Variants in PRELID2 observed in about 807,000 individuals in gnomAD.
PRELID2 encodes PRELI domain-containing protein 2.
A neutral mutation model predicts 28.4 loss-of-function variants in PRELID2; 25 were observed. The observed-to-expected ratio is 0.88, with a 90% CI of 0.64 to 1.23. The LOEUF (loss-of-function observed/expected upper bound fraction) is 1.23. Among genes scored for constraint, PRELID2 ranks in the 50% most tolerant of loss-of-function variants. The pLI is 0.00. For synonymous variants in PRELID2, 76 were observed against 71.6 expected (o/e 1.06, Z -0.31); for missense variants, 201 against 214.4 (o/e 0.94, Z 0.39).
intron 1 of PRELID2, chr5:145,834,960 G>T: frequency 2.3e-6 from 1 of 443,198 alleles, no homozygotes; most frequent in Non-Finnish European, 4.1e-6. Context: ...TCTTTCAGCT[G>T]GGGCAGGTGT....
At chr5:145,406,403 G>A in the PRELID2 span, among the ~76,000 whole-genome samples, 2 of 152,148 alleles carry the variant, frequency 1.3e-5, no homozygotes, top group Admixed American at 1.3e-4. Flanking sequence ...AGACATTACT[G>A]GGTTGTAAAA....
At chr5:145,470,039 C>T (rs2974570), downstream of PRELID2, among the ~76,000 whole-genome samples, 3 of 151,860 alleles carry the variant, frequency 2.0e-5, no homozygotes, top group East Asian at 1.9e-4. Context: ...ATTAATCACC[C>T]GAAGGGGAAA....
chr5:145,709,167 G>A (rs1406087281), intron 1 of PRELID2, among the ~76,000 whole-genome samples: 2 of 152,148 alleles, frequency 1.3e-5, no homozygotes, highest in Non-Finnish European at 2.9e-5. Context: ...AAACCCTACA[G>A]AAGCCCACCC....
the PRELID2 span, among the ~76,000 whole-genome samples, chr5:145,370,445 T>C: frequency 3.3e-5 from 5 of 152,190 alleles, no homozygotes; most frequent in East Asian, 5.8e-4. Context: ...AGTGTGGTAA[T>C]ATTTCTGAGG....
chr5:145,491,714 C>T (rs1752271082), intron 1 of PRELID2, among the ~76,000 whole-genome samples: 1 of 151,852 alleles, frequency 6.6e-6, no homozygotes, highest in Admixed American at 6.6e-5. Context: ...CCCCAGTACC[C>T]CCTGACCCTG....
At chr5:145,286,724 GTTTT>G in the PRELID2 span, among the ~76,000 whole-genome samples, 30,426 of 114,112 alleles carry the variant, frequency 0.27, 3,440 homozygotes, top group Non-Finnish European at 0.32. Flanking sequence ...TTGTTTGTTT[GTTTT>G]TTTTTTTTTT....
chr5:145,494,085 T>C (rs1454264008), intron 1 of PRELID2, among the ~76,000 whole-genome samples: 1 of 152,210 alleles, frequency 6.6e-6, no homozygotes, highest in South Asian at 2.1e-4. Flanking sequence ...ATCTCATTTG[T>C]CCTTCACAAA....
At chr5:145,520,955 G>T (rs1580966557) in intron 1 of PRELID2, among the ~76,000 whole-genome samples, 1 of 151,864 alleles carries the variant, frequency 6.6e-6, no homozygotes, top group South Asian at 2.1e-4. Context: ...TTGCATTAAC[G>T]TGTTCCCATT....
chr5:145,237,057 G>C, the PRELID2 span, among the ~76,000 whole-genome samples: 359 of 152,204 alleles, frequency 2.4e-3, 3 homozygotes, highest in African/African-American at 8.4e-3. Context: ...GTATTAGGAG[G>C]CATCACTTGT....
chr5:145,442,972 C>T, the PRELID2 span, among the ~76,000 whole-genome samples: 1 of 151,944 alleles, frequency 6.6e-6, no homozygotes, highest in Non-Finnish European at 1.5e-5. Flanking sequence ...GCATTTATAG[C>T]CCTATCTTAT....
chr5:145,511,604 A>G (rs2126641324), intron 1 of PRELID2, among the ~76,000 whole-genome samples: 1 of 152,340 alleles, frequency 6.6e-6, no homozygotes, highest in Admixed American at 6.5e-5. Context: ...ATGTCCAGCC[A>G]GCATCTCTGT....
At chr5:145,439,664 A>G in the PRELID2 span, among the ~76,000 whole-genome samples, 4 of 151,918 alleles carry the variant, frequency 2.6e-5, no homozygotes, top group Non-Finnish European at 1.5e-5. Flanking sequence ...GGGTTTCTCT[A>G]TCTCCATCCT....
chr5:145,812,651 A>AG (rs70998037), intron 4 of PRELID2, among the ~76,000 whole-genome samples: 152,351 of 152,352 alleles, frequency 1, 76,175 homozygotes, highest in Middle Eastern at 1. Flanking sequence ...TGTCTGAGTC[A>AG]GGTTTCTGCT....
intron 1 of PRELID2, among the ~76,000 whole-genome samples, chr5:145,627,504 A>T (rs1270215944): frequency 2.0e-5 from 3 of 152,130 alleles, no homozygotes; most frequent in Admixed American, 2.0e-4. Flanking sequence ...TTTAAAATAA[A>T]ATAAATATCC....
intron 1 of PRELID2, among the ~76,000 whole-genome samples, chr5:145,740,263 CAAAT>C (rs1756620387): frequency 1.6e-5 from 1 of 61,186 alleles, no homozygotes; most frequent in Non-Finnish European, 3.1e-5. Context: ...CAGGATTTAT[CAAAT>C]ATATATATAT....
the PRELID2 span, among the ~76,000 whole-genome samples, chr5:145,418,874 C>T: frequency 7.0e-6 from 1 of 143,750 alleles, no homozygotes; most frequent in Non-Finnish European, 1.5e-5. Context: ...TGCTATCCCT[C>T]CCCCCTACCC....
the PRELID2 span, among the ~76,000 whole-genome samples, chr5:145,425,269 G>T: frequency 6.6e-6 from 1 of 152,112 alleles, no homozygotes; most frequent in African/African-American, 2.4e-5. Context: ...ATGCTGGTTA[G>T]GTTGTGGAGA....
intron 1 of PRELID2, among the ~76,000 whole-genome samples, chr5:145,487,737 G>A (rs899590195): frequency 4.6e-5 from 7 of 152,034 alleles, no homozygotes; most frequent in Non-Finnish European, 7.4e-5. Flanking sequence ...GATGGAGGAA[G>A]GAAGGGTATC....
At chr5:145,339,288 A>G in the PRELID2 span, among the ~76,000 whole-genome samples, 1 of 152,226 alleles carries the variant, frequency 6.6e-6, no homozygotes, top group Non-Finnish European at 1.5e-5. Context: ...GCAAGTAAAG[A>G]AAGAGAAGTG....
Sources: allele counts gnomAD v4.1 joint callset (sites outside exome capture counted in the v4.1 genomes callset), GRCh38; gene constraint gnomAD v4.1.1; transcripts MANE v1.5; gene names NCBI Gene and HGNC (gene_info 2026-07-23, HGNC 2026-07-21).